The following RANBP2 variants were observed in gnomAD, a reference collection of about 807,000 sequenced individuals.
RANBP2 encodes the protein RAN binding protein 2, also known as E3 SUMO-protein ligase RanBP2.
RANBP2 carries 57 observed loss-of-function variants against 303.6 expected under a neutral mutation model. The observed-to-expected ratio is 0.19, with a 90% CI of 0.15 to 0.23. The LOEUF (loss-of-function observed/expected upper bound fraction) is 0.23. Ranked by LOEUF, RANBP2 falls within the 10% of genes least tolerant of loss-of-function variation. The probability of loss-of-function intolerance (pLI) is 1.00; values close to 1 mark genes in which losing one functional copy is unlikely to be tolerated. For missense variants in RANBP2, 3,138 were observed against 3,780.8 expected (o/e 0.83, Z 4.46); for synonymous variants, 1,167 against 1,301.5 (o/e 0.90, Z 2.23).
chr2:108,781,694 T>G (rs188339310), intron 26 of RANBP2, among the ~76,000 whole-genome samples: 1 of 152,336 alleles, frequency 6.6e-6, no homozygotes, highest in Admixed American at 6.5e-5. Flanking sequence ...TTTGTTTTTA[T>G]AACATGATTC....
chr2:109,568,156 T>C, the RANBP2 span, among the ~76,000 whole-genome samples: 1 of 152,032 alleles, frequency 6.6e-6, no homozygotes, highest in Non-Finnish European at 1.5e-5. Flanking sequence ...ACAGGAACAC[T>C]GCCATGCCCA....
At chr2:109,392,222 T>G in the RANBP2 span, among the ~76,000 whole-genome samples, 1 of 152,214 alleles carries the variant, frequency 6.6e-6, no homozygotes, top group Non-Finnish European at 1.5e-5. Flanking sequence ...ATTCTTTTTT[T>G]TACATCAAGA....
chr2:109,008,668 C>T, the RANBP2 span, among the ~76,000 whole-genome samples: 2,177 of 151,102 alleles, frequency 0.014, 25 homozygotes, highest in South Asian at 0.04. Flanking sequence ...TTTGAGAGGC[C>T]GAGATGGGCG....
the RANBP2 span, among the ~76,000 whole-genome samples, chr2:109,052,798 C>T: frequency 2.0e-5 from 3 of 152,276 alleles, no homozygotes; most frequent in Admixed American, 1.3e-4. Flanking sequence ...CCCGGCCCGG[C>T]CTGTCTTAAT....
At chr2:109,427,918 C>T in the RANBP2 span, among the ~76,000 whole-genome samples, 3 of 152,244 alleles carry the variant, frequency 2.0e-5, no homozygotes, top group Non-Finnish European at 4.4e-5. Flanking sequence ...CCCAGGTGCT[C>T]GCGCACGCTC....
the RANBP2 span, among the ~76,000 whole-genome samples, chr2:109,399,431 A>G: frequency 6.7e-5 from 10 of 149,138 alleles, no homozygotes; most frequent in South Asian, 2.2e-3. Context: ...TTCTATTTCT[A>G]GACTCCATTT....
At chr2:109,376,296 G>C in the RANBP2 span, among the ~76,000 whole-genome samples, 3,487 of 152,352 alleles carry the variant, frequency 0.023, 64 homozygotes, top group South Asian at 0.049. Flanking sequence ...CACAGGTCCA[G>C]GGTGTGGACG....
chr2:108,811,247 C>CTCTTTTTTTTTTTTTTTTTTT, the RANBP2 span, among the ~76,000 whole-genome samples: 10 of 113,894 alleles, frequency 8.8e-5, no homozygotes, highest in African/African-American at 2.3e-4. Context: ...TTCTCTCTCT[C>CTCTTTTTTTTTTTTTTTTTTT]TTTTTTTTTT....
the RANBP2 span, among the ~76,000 whole-genome samples, chr2:109,093,887 A>G: frequency 6.6e-6 from 1 of 152,224 alleles, no homozygotes; most frequent in East Asian, 1.9e-4. Context: ...CACAAACCCC[A>G]TTCTGGGAAA....
chr2:109,333,847 A>G, the RANBP2 span, among the ~76,000 whole-genome samples: 2 of 152,292 alleles, frequency 1.3e-5, no homozygotes, highest in East Asian at 1.9e-4. Context: ...CCATTATAAT[A>G]TTAATAATTA....
At chr2:109,130,103 C>G in the RANBP2 span, 3 of 1,333,674 alleles carry the variant, frequency 2.2e-6, no homozygotes, top group Non-Finnish European at 2.9e-6. Context: ...AGGACCGCGC[C>G]GGCGGCAAAG....
chr2:109,664,391 G>A, the RANBP2 span, among the ~76,000 whole-genome samples: 1 of 150,738 alleles, frequency 6.6e-6, no homozygotes, highest in African/African-American at 2.4e-5. Flanking sequence ...GGATCATGAG[G>A]TCAGGAGTGC....
At chr2:108,923,769 C>T in the RANBP2 span, among the ~76,000 whole-genome samples, 3 of 152,232 alleles carry the variant, frequency 2.0e-5, no homozygotes, top group Admixed American at 1.3e-4. Context: ...TATCCCTGTG[C>T]CCCCACATGT....
chr2:109,183,580 G>A, the RANBP2 span, among the ~76,000 whole-genome samples: 3 of 138,862 alleles, frequency 2.2e-5, no homozygotes, highest in Middle Eastern at 3.3e-3. Flanking sequence ...TCACAATTCA[G>A]CCTTAACTTT....
At chr2:108,972,235 T>C in the RANBP2 span, among the ~76,000 whole-genome samples, 1 of 152,272 alleles carries the variant, frequency 6.6e-6, no homozygotes, top group African/African-American at 2.4e-5. Context: ...TTCCAGTCCT[T>C]TGCTGTTTCA....
chr2:109,219,950 A>T, the RANBP2 span, among the ~76,000 whole-genome samples: 1 of 152,240 alleles, frequency 6.6e-6, no homozygotes, highest in South Asian at 2.1e-4. Flanking sequence ...TGGAATCTCA[A>T]GGGACCCCAA....
chr2:109,155,523 G>A, the RANBP2 span, among the ~76,000 whole-genome samples: 1 of 152,154 alleles, frequency 6.6e-6, no homozygotes, highest in South Asian at 2.1e-4. Context: ...GGGTGGTCTC[G>A]ATCTCCTGAC....
At chr2:108,810,738 C>T in the RANBP2 span, among the ~76,000 whole-genome samples, 55 of 152,128 alleles carry the variant, frequency 3.6e-4, no homozygotes, top group South Asian at 2.1e-3. Context: ...GGTATTTGTT[C>T]TTTAAAAGTT....
chr2:109,495,476 C>A, the RANBP2 span, among the ~76,000 whole-genome samples: 1 of 107,808 alleles, frequency 9.3e-6, no homozygotes, highest in African/African-American at 4.0e-5. Flanking sequence ...ATCTTTCATT[C>A]CTTTTTTTTT....
Sources: allele counts gnomAD v4.1 joint callset (sites outside exome capture counted in the v4.1 genomes callset), GRCh38; gene constraint gnomAD v4.1.1; transcripts MANE v1.5; gene names NCBI Gene and HGNC (gene_info 2026-07-23, HGNC 2026-07-21).